The following MAPRE2 variants were observed in gnomAD, a reference collection of about 807,000 sequenced individuals.
MAPRE2 encodes microtubule associated protein RP/EB family member 2.
A neutral mutation model predicts 43.2 loss-of-function variants in MAPRE2; 13 were observed. That is an observed-to-expected ratio of 0.30 (90% CI 0.20 to 0.48). The LOEUF is 0.48. MAPRE2 is among the 20% of genes least tolerant of loss of function. MAPRE2 has a pLI of 0.99. For missense variants in MAPRE2, 161 were observed against 400.2 expected, an observed-to-expected ratio of 0.40 and a Z score of 5.10; for synonymous variants, 135 against 148.8, an observed-to-expected ratio of 0.91 and a Z score of 0.68.
intron 1 of MAPRE2, among the ~76,000 whole-genome samples, chr18:35,044,140 A>G (rs982534018): frequency 2.0e-5 from 3 of 152,212 alleles, no homozygotes; most frequent in Non-Finnish European, 4.4e-5. Context: ...GAGTGAGCCC[A>G]GTTCCCTGGC....
chr18:34,978,584 G>C (rs1224782022), intron 1 of MAPRE2: 3 of 1,541,828 alleles, frequency 1.9e-6, no homozygotes, highest in Non-Finnish European at 2.6e-6. Flanking sequence ...TCTCCTGAAC[G>C]CTAAATTTGG....
chr18:35,004,493 TG>T (rs1233850006), intron 1 of MAPRE2, among the ~76,000 whole-genome samples: 3 of 152,180 alleles, frequency 2.0e-5, no homozygotes, highest in African/African-American at 7.2e-5. Flanking sequence ...CCCAAACACT[TG>T]ATTCTCAAAG....
chr18:35,015,633 AGTGTGTGT>A (rs3082290), intron 2 of MAPRE2, among the ~76,000 whole-genome samples: 8,527 of 134,656 alleles, frequency 0.063, 326 homozygotes, highest in African/African-American at 0.094. Flanking sequence ...TAGGGATGGC[AGTGTGTGT>A]GTGTGTGTGT....
At chr18:35,062,180 A>G (rs749263171) in intron 1 of MAPRE2, among the ~76,000 whole-genome samples, 30 of 152,196 alleles carry the variant, frequency 2.0e-4, no homozygotes, top group Non-Finnish European at 3.7e-4. Flanking sequence ...CTGTGATGGG[A>G]CTGAATATCT....
chr18:35,047,339 A>T (rs1249380418), intron 1 of MAPRE2, among the ~76,000 whole-genome samples: 1 of 152,172 alleles, frequency 6.6e-6, no homozygotes, highest in Non-Finnish European at 1.5e-5. Flanking sequence ...AGTATGTCAA[A>T]CTTAGCCAAT....
intron 2 of MAPRE2, among the ~76,000 whole-genome samples, chr18:35,014,968 A>G (rs1261128236): frequency 7.9e-5 from 12 of 152,112 alleles, no homozygotes. Context: ...TGTCACTAAA[A>G]TTACTCTGAG....
chr18:35,063,484 T>TA lies in MAPRE2; in HGVS notation c.123-6697dup, dbSNP rs111922465. ...AAGGAGTGACATAAAGAAGGTAACT[T>TA]AAAAAAAAAAAAAAGGAGAAGAAGG... On this transcript the variant is annotated intron_variant, in intron 1 of 6. Transcript: ENST00000300249. Among the ~76,000 whole-genome samples, 1,027 of 141,068 alleles carry TA rather than the reference T, an allele frequency of 7.3e-3. 12 individuals are homozygous for TA. Among genetic ancestry groups the TA allele is most frequent in the Middle Eastern group, 0.05 (14 of 278 alleles). 92.5% of individuals were successfully genotyped at this position (141,068 alleles called of 152,430 possible).
intron 3 of MAPRE2, among the ~76,000 whole-genome samples, chr18:35,101,739 T>TA (rs1196063134): frequency 6.6e-6 from 1 of 152,222 alleles, no homozygotes; most frequent in African/African-American, 2.4e-5. Flanking sequence ...TATGACTGAA[T>TA]AGTACTCCAT....
At chr18:34,978,643 T>C (rs1054539265) in intron 1 of MAPRE2, 1 of 1,000,720 alleles carries the variant, frequency 1.0e-6, no homozygotes, top group Middle Eastern at 2.0e-4. Flanking sequence ...TTAGCCAGTG[T>C]CCCCTCTGGA....
At chr18:35,034,672 AC>A (rs1450800195) in intron 2 of MAPRE2, among the ~76,000 whole-genome samples, 1 of 152,134 alleles carries the variant, frequency 6.6e-6, no homozygotes, top group African/African-American at 2.4e-5. Flanking sequence ...CAAGAAAAAA[AC>A]AAACAACCCC....
chr18:35,091,874 TA>T (rs1451415146), intron 2 of MAPRE2, among the ~76,000 whole-genome samples: 3 of 152,198 alleles, frequency 2.0e-5, no homozygotes, highest in African/African-American at 7.2e-5. Flanking sequence ...CTGGGTAATG[TA>T]TTAATATTAA....
intron 1 of MAPRE2, among the ~76,000 whole-genome samples, chr18:35,066,302 C>T (rs887675147): frequency 6.6e-6 from 1 of 152,190 alleles, no homozygotes; most frequent in African/African-American, 2.4e-5. Flanking sequence ...TCCTGCCCTG[C>T]TTTCCTCCCA....
At chr18:35,094,187 G>A (rs1038725105) in intron 2 of MAPRE2, among the ~76,000 whole-genome samples, 1 of 152,144 alleles carries the variant, frequency 6.6e-6, no homozygotes, top group African/African-American at 2.4e-5. Context: ...ATTACACAAT[G>A]TATATATGTA....
intron 1 of MAPRE2, chr18:34,978,259 A>G (rs548483410): frequency 8.9e-6 from 5 of 559,272 alleles, no homozygotes; most frequent in African/African-American, 7.7e-5. Flanking sequence ...CCCGCTAGGC[A>G]GGAAGAGGTC....
rs183837498 is a variant in MAPRE2, at chr18:34,998,476, G to A, written c.-69-7016G>A. On this transcript the variant is annotated intron_variant, in intron 1 of 7. Coordinates refer to the MAPRE2 transcript ENST00000413393. ...CAAGTAGCTGGGACTACAGGTGCCCGCCACCACACCCCGCTAATTTTTTTA... is the reference window on the plus strand; with the variant it reads ...CAAGTAGCTGGGACTACAGGTGCCCACCACCACACCCCGCTAATTTTTTTA... Among the ~76,000 whole-genome samples, 1,382 of 151,894 alleles carry A rather than the reference G, an allele frequency of 9.1e-3. 13 individuals carry two copies. The highest frequency in any genetic ancestry group is 0.02 in the Middle Eastern group (6 of 294).
intron 1 of MAPRE2, among the ~76,000 whole-genome samples, chr18:34,985,503 T>TAAA (rs1568961959): frequency 2.3e-5 from 1 of 42,728 alleles, no homozygotes; most frequent in African/African-American, 1.0e-4. Flanking sequence ...TATTATATAA[T>TAAA]ATATAATATA....
In MAPRE2 at chr18:35,141,893, T is replaced by G. The variant is rs1910663818; in HGVS notation, c.*1524T>G. On this transcript the variant is annotated 3_prime_UTR_variant, in exon 7 of 7. Coordinates refer to ENST00000300249, the MANE Select transcript of MAPRE2 (RefSeq NM_014268.4). ...AATTTCTTTATTAATCGATGAAATATGAATTCTAAATTCTAGCATTGAAGC... is the reference window on the plus strand; with the variant it reads ...AATTTCTTTATTAATCGATGAAATAGGAATTCTAAATTCTAGCATTGAAGC... 6.6e-6 allele frequency: 1 copy of G among 152,258 alleles called. No individual in the cohort carries two copies. Among genetic ancestry groups the G allele is most frequent in the Non-Finnish European group, 1.5e-5 (1 of 68,044 alleles). The allele number at this position is 152,258 out of a possible 1,614,324, so 9.4% of individuals were successfully genotyped here.
At chr18:35,084,748 T>C (rs921549899) in intron 2 of MAPRE2, among the ~76,000 whole-genome samples, 6 of 152,238 alleles carry the variant, frequency 3.9e-5, no homozygotes, top group African/African-American at 1.4e-4. Context: ...CTACTTGTCT[T>C]TGGACTTATT....
chr18:35,094,733 G>T (rs1908322430), intron 2 of MAPRE2, among the ~76,000 whole-genome samples: 1 of 152,162 alleles, frequency 6.6e-6, no homozygotes, highest in Non-Finnish European at 1.5e-5. Flanking sequence ...GGATGCTAAG[G>T]AGCTGGGAAC....
Sources: gnomAD v4.1 joint callset for allele counts (sites outside exome capture counted in the v4.1 genomes callset) on GRCh38, gnomAD v4.1.1 for gene constraint, MANE v1.5 for transcripts, NCBI Gene and HGNC (gene_info 2026-07-23, HGNC 2026-07-21) for gene names.